The following PPARGC1A variants were observed in gnomAD, a reference collection of about 807,000 sequenced individuals.
The protein encoded by PPARGC1A is PPARG coactivator 1 alpha, also known as peroxisome proliferator-activated receptor gamma coactivator 1-alpha.
PPARGC1A carries 25 observed loss-of-function variants against 88.7 expected under a neutral mutation model. The observed-to-expected ratio is 0.28, with a 90% CI of 0.21 to 0.39. The LOEUF (loss-of-function observed/expected upper bound fraction) is 0.39. PPARGC1A is among the 10% of genes least tolerant of loss of function. The probability of loss-of-function intolerance (pLI) is 1.00; values close to 1 mark genes in which losing one functional copy is unlikely to be tolerated. For missense variants in PPARGC1A, 880 were observed against 968.7 expected (o/e 0.91, Z 1.22); for synonymous variants, 363 against 355.6 (o/e 1.02, Z -0.24).
chr4:23,848,695 T>G (rs1728736610), intron 2 of PPARGC1A, among the ~76,000 whole-genome samples: 1 of 152,204 alleles, frequency 6.6e-6, no homozygotes, highest in South Asian at 2.1e-4. Context: ...CTCTCATTTT[T>G]TGCTGCTGTT....
the PPARGC1A span, among the ~76,000 whole-genome samples, chr4:24,253,692 G>A: frequency 6.6e-6 from 1 of 152,152 alleles, no homozygotes. Context: ...GACGCTGAGA[G>A]CGAGTGCCTC....
At chr4:24,104,453 T>C in the PPARGC1A span, among the ~76,000 whole-genome samples, 387 of 152,198 alleles carry the variant, frequency 2.5e-3, 2 homozygotes, top group African/African-American at 8.9e-3. Flanking sequence ...TCAGATTCAA[T>C]TCACTGAACA....
chr4:24,022,987 A>C, the PPARGC1A span, among the ~76,000 whole-genome samples: 1 of 152,184 alleles, frequency 6.6e-6, no homozygotes, highest in Non-Finnish European at 1.5e-5. Context: ...TTGAGACATG[A>C]TAGGAAGAAA....
intron 2 of PPARGC1A, among the ~76,000 whole-genome samples, chr4:23,855,081 T>C (rs988210395): frequency 1.3e-5 from 2 of 152,168 alleles, no homozygotes; most frequent in African/African-American, 4.8e-5. Flanking sequence ...ATGAGATCGA[T>C]GGTTTTATAA....
chr4:24,188,370 C>T, the PPARGC1A span, among the ~76,000 whole-genome samples: 4 of 152,046 alleles, frequency 2.6e-5, 1 homozygote, highest in African/African-American at 4.8e-5. Flanking sequence ...CCCAAAGAAA[C>T]GAAAGGTGAG....
At chr4:23,844,549 T>G (rs1727749427) in intron 2 of PPARGC1A, among the ~76,000 whole-genome samples, 1 of 115,298 alleles carries the variant, frequency 8.7e-6, no homozygotes, top group Non-Finnish European at 1.6e-5. Context: ...ATATATTATA[T>G]ATTATCACAT....
the PPARGC1A span, among the ~76,000 whole-genome samples, chr4:24,217,315 C>T: frequency 1.3e-5 from 2 of 152,170 alleles, no homozygotes; most frequent in East Asian, 3.9e-4. Flanking sequence ...ATTGTAGGAA[C>T]CTAATATTCC....
the PPARGC1A span, among the ~76,000 whole-genome samples, chr4:24,442,941 A>G: frequency 5.3e-5 from 8 of 152,128 alleles, no homozygotes; most frequent in African/African-American, 1.9e-4. Flanking sequence ...TTCCCAATTC[A>G]ACTCTTAGGG....
At chr4:24,109,162 T>C in the PPARGC1A span, among the ~76,000 whole-genome samples, 4 of 152,072 alleles carry the variant, frequency 2.6e-5, no homozygotes, top group African/African-American at 7.2e-5. Flanking sequence ...TGAAACTTAT[T>C]GGTAATAATT....
At chr4:23,972,253 A>T in the PPARGC1A span, among the ~76,000 whole-genome samples, 6 of 152,242 alleles carry the variant, frequency 3.9e-5, no homozygotes, top group Non-Finnish European at 8.8e-5. Flanking sequence ...GAAAATCTGA[A>T]ATCTCTTGCC....
At chr4:24,469,020 T>C in the PPARGC1A span, among the ~76,000 whole-genome samples, 3 of 152,274 alleles carry the variant, frequency 2.0e-5, no homozygotes, top group Admixed American at 6.5e-5. Flanking sequence ...ATAAGCACTA[T>C]ATAACACTAG....
the PPARGC1A span, among the ~76,000 whole-genome samples, chr4:24,419,352 A>AGTGTGT: frequency 2.2e-4 from 31 of 138,934 alleles, no homozygotes; most frequent in South Asian, 7.6e-4. Flanking sequence ...CAAATCTTCA[A>AGTGTGT]GTGTGTGTGT....
chr4:23,969,461 C>T, the PPARGC1A span, among the ~76,000 whole-genome samples: 2 of 152,142 alleles, frequency 1.3e-5, no homozygotes, highest in South Asian at 2.1e-4. Context: ...TGCATACTCT[C>T]GTAATAAACA....
chr4:24,333,489 T>C, the PPARGC1A span, among the ~76,000 whole-genome samples: 6 of 152,254 alleles, frequency 3.9e-5, no homozygotes, highest in Admixed American at 3.9e-4. Context: ...TTCTGTTCTC[T>C]CTGCTTTTCA....
the PPARGC1A span, among the ~76,000 whole-genome samples, chr4:24,171,723 T>A: frequency 5.3e-5 from 8 of 152,222 alleles, no homozygotes; most frequent in African/African-American, 1.9e-4. Context: ...CCCATCCCTA[T>A]AAAAATATTA....
chr4:23,980,047 C>G, the PPARGC1A span, among the ~76,000 whole-genome samples: 1 of 152,064 alleles, frequency 6.6e-6, no homozygotes, highest in Non-Finnish European at 1.5e-5. Flanking sequence ...TCAGAAGACC[C>G]TGGCCCTTCA....
chr4:24,452,301 CT>C, the PPARGC1A span, among the ~76,000 whole-genome samples: 1 of 151,286 alleles, frequency 6.6e-6, no homozygotes, highest in African/African-American at 2.4e-5. Flanking sequence ...GCACCCTATT[CT>C]TGTTGGTTTT....
the PPARGC1A span, among the ~76,000 whole-genome samples, chr4:24,185,991 G>A: frequency 6.6e-6 from 1 of 151,438 alleles, no homozygotes; most frequent in African/African-American, 2.4e-5. Context: ...GGAGAGGAGG[G>A]GAAAAAAGAA....
At chr4:24,139,178 G>A in the PPARGC1A span, among the ~76,000 whole-genome samples, 1 of 151,134 alleles carries the variant, frequency 6.6e-6, no homozygotes, top group Non-Finnish European at 1.5e-5. Flanking sequence ...CTGTCACCCA[G>A]GCTGGAGTGC....
Sources: allele counts gnomAD v4.1 joint callset (sites outside exome capture counted in the v4.1 genomes callset), GRCh38; gene constraint gnomAD v4.1.1; transcripts MANE v1.5; gene names NCBI Gene and HGNC (gene_info 2026-07-23, HGNC 2026-07-21).